Variants in SLC43A2 observed in about 807,000 individuals in gnomAD.
SLC43A2 encodes the protein large neutral amino acids transporter small subunit 4.
A neutral mutation model predicts 63.2 loss-of-function variants in SLC43A2; 38 were observed. That is an observed-to-expected ratio of 0.60 (90% CI 0.46 to 0.79). The LOEUF (loss-of-function observed/expected upper bound fraction) is 0.79, where lower values mean the gene tolerates loss of function less well. Among genes scored for constraint, SLC43A2 ranks in the 30% least tolerant of loss-of-function variants. The pLI is 0.00. For missense variants in SLC43A2, 644 were observed against 756.2 expected, an observed-to-expected ratio of 0.85 and a Z score of 1.74; for synonymous variants, 322 against 331.0, an observed-to-expected ratio of 0.97 and a Z score of 0.30.
chr17:1,583,502 A>C lies in SLC43A2; in HGVS notation c.1218-166T>G. The stretch of plus-strand genomic sequence containing the variant: ...TCGGGGCTGGACCAGCACTACGGAC[A>C]CTCCCCGGCCCTTCTCAGTGGCAAG... On this transcript the variant is annotated intron_variant, in intron 10 of 13. Coordinates refer to ENST00000301335, the MANE Select transcript of SLC43A2 (RefSeq NM_152346.3). The surrounding 1 kb of genome is among the most constrained non-coding windows in gnomAD (Gnocchi z 5.5). 1.7e-6 allele frequency: 2 copies of C among 1,204,414 alleles called. No homozygotes were observed. The highest frequency in any genetic ancestry group is 2.2e-6 in the Non-Finnish European group (2 of 893,954). The allele number at this position is 1,204,414 out of a possible 1,614,324, so 74.6% of individuals were successfully genotyped here.
At position 1,590,792 on chromosome 17, in the gene SLC43A2, G is replaced by A; in HGVS notation, c.1078+10C>T. 1 of 1,552,406 alleles carries A rather than the reference G, an allele frequency of 6.4e-7. No individual in the cohort carries two copies. The highest frequency in any genetic ancestry group is 2.4e-5 in the East Asian group (1 of 41,682). ...GAGTGACAGCGACCGAGGCTGCCCGGGGCACCTACCTGTCTTCTGGTCGCC... is the reference window on the plus strand; with the variant it reads ...GAGTGACAGCGACCGAGGCTGCCCGAGGCACCTACCTGTCTTCTGGTCGCC... On this transcript the variant is annotated intron_variant, in intron 9 of 13. Transcript: ENST00000301335.
At chr17:1,590,421 C>T (rs4790666) in intron 9 of SLC43A2, among the ~76,000 whole-genome samples, 37,851 of 152,018 alleles carry the variant, frequency 0.25, 5,047 homozygotes, top group East Asian at 0.36. Flanking sequence ...ACGCACCCAC[C>T]GTGCCACTTT....
intron 2 of SLC43A2, among the ~76,000 whole-genome samples, chr17:1,627,273 T>C (rs761812852): frequency 6.6e-5 from 10 of 152,122 alleles, no homozygotes; most frequent in Non-Finnish European, 1.2e-4. Context: ...GAGCCCTCCC[T>C]GGGGTGGAGG....
In SLC43A2 at chr17:1,599,289, A is replaced by G. The variant is rs529876092; in HGVS notation, c.502-6010T>C. Among the ~76,000 whole-genome samples, 839 of 151,728 alleles carry G rather than the reference A, an allele frequency of 5.5e-3. 5 individuals carry two copies. The highest frequency in any genetic ancestry group is 7.4e-3 in the Non-Finnish European group (501 of 67,874). On this transcript the variant is annotated intron_variant, in intron 5 of 13. Transcript: ENST00000301335. ...CAGGGGGCAGAGGTTGCAATGAGCCAAGATCATGCCACTGCACTCCAGCCT... is the reference window on the plus strand; with the variant it reads ...CAGGGGGCAGAGGTTGCAATGAGCCGAGATCATGCCACTGCACTCCAGCCT...
chr17:1,589,044 G>A (rs1250053808), intron 9 of SLC43A2, among the ~76,000 whole-genome samples: 1 of 152,260 alleles, frequency 6.6e-6, no homozygotes, highest in African/African-American at 2.4e-5. Context: ...AGGGCTATGG[G>A]TGTTGGGTGT....
chr17:1,590,501 A>G (rs779734153), intron 9 of SLC43A2, among the ~76,000 whole-genome samples: 7 of 151,892 alleles, frequency 4.6e-5, no homozygotes, highest in Non-Finnish European at 8.8e-5. Context: ...TTCTGTTTTC[A>G]TTTACAGACA....
chr17:1,586,829 C>G (rs1224500899), intron 9 of SLC43A2: 2 of 1,060,654 alleles, frequency 1.9e-6, no homozygotes, highest in African/African-American at 3.3e-5. Context: ...GTTTTACCCC[C>G]ACGGCTCTAG....
At chr17:1,596,820 A>G (rs1905321601) in intron 5 of SLC43A2, among the ~76,000 whole-genome samples, 1 of 152,196 alleles carries the variant, frequency 6.6e-6, no homozygotes, top group Non-Finnish European at 1.5e-5. Flanking sequence ...AGATATACAA[A>G]TGGCCAATAA....
upstream of SLC43A2, chr17:1,629,004 A>T (rs1055501113): frequency 9.3e-5 from 14 of 150,830 alleles, no homozygotes; most frequent in Non-Finnish European, 2.1e-4. Flanking sequence ...GACAAACAAG[A>T]GAGATGGGGG....
At position 1,578,244 on chromosome 17, in the gene SLC43A2, AC is replaced by A. The variant is rs1487450861; in HGVS notation, c.1424+5del. ...CACCAGGCCACCTGCGGCTTCCAGGACTTACACGGCAGCGTACAGGCCCCCG... is the reference window on the plus strand; with the variant it reads ...CACCAGGCCACCTGCGGCTTCCAGGATTACACGGCAGCGTACAGGCCCCCG... On this transcript the variant is annotated splice_donor_5th_base_variant and intron_variant, in intron 12 of 13. Transcript: ENST00000301335. The surrounding 1 kb of genome is among the most constrained non-coding windows in gnomAD (Gnocchi z 6.5). 1 of 1,612,324 alleles carries A rather than the reference AC, an allele frequency of 6.2e-7. No individual in the cohort carries two copies. Among genetic ancestry groups the A allele is most frequent in the South Asian group, 1.1e-5 (1 of 91,044 alleles).
Position 1,605,340 on chromosome 17 carries a change from A to T in SLC43A2, c.501+7855T>A. 1 of 599,418 alleles carries T rather than the reference A, an allele frequency of 1.7e-6. No individual in the cohort carries two copies. Among genetic ancestry groups the T allele is most frequent in the Non-Finnish European group, 2.1e-6 (1 of 466,006 alleles). The allele number at this position is 599,418 out of a possible 1,614,324, so 37.1% of individuals were successfully genotyped here. On this transcript the variant is annotated intron_variant, in intron 5 of 13. Transcript: ENST00000301335. The surrounding 1 kb of genome is among the most constrained non-coding windows in gnomAD (Gnocchi z 4.9). ...CGGCCCCTCCCCTGGCATTCTGGCC[A>T]TAGAGCATGACCACCGGACAGGAGT...
Position 1,575,331 on chromosome 17 carries a change from G to A in SLC43A2, c.*273C>T. ...CTGCCGGGCGTTCCTGGCTCCTGCT[G>A]CAGGCACCACAGAGACCCCAGGCCC... On this transcript the variant is annotated 3_prime_UTR_variant, in exon 14 of 14. Coordinates refer to ENST00000301335, the MANE Select transcript of SLC43A2 (RefSeq NM_152346.3). 2 of 526,668 alleles carry A rather than the reference G, an allele frequency of 3.8e-6. No individual in the cohort carries two copies. The highest frequency in any genetic ancestry group is 3.5e-5 in the East Asian group (1 of 28,428). 32.6% of individuals were successfully genotyped at this position (526,668 alleles called of 1,614,324 possible).
At chr17:1,611,806 C>T (rs758885124) in intron 5 of SLC43A2, among the ~76,000 whole-genome samples, 39 of 152,098 alleles carry the variant, frequency 2.6e-4, no homozygotes, top group African/African-American at 9.4e-4. Flanking sequence ...CTGATGCAGG[C>T]GAGGTTTCCT....
intron 11 of SLC43A2, among the ~76,000 whole-genome samples, chr17:1,582,022 G>A (rs2151032564): frequency 1.3e-5 from 2 of 151,506 alleles, no homozygotes; most frequent in African/African-American, 4.8e-5. Flanking sequence ...GGATAGGCTA[G>A]TCTCAAACTC....
chr17:1,573,385 G>A lies in SLC43A2; in HGVS notation c.*2219C>T, dbSNP rs1598425147. 5 of 152,258 alleles carry A rather than the reference G, an allele frequency of 3.3e-5. No homozygotes were observed. The East Asian group carries it at 9.6e-4, about 29-fold the overall frequency. The allele number at this position is 152,258 out of a possible 1,614,324, so 9.4% of individuals were successfully genotyped here. ...GGGTGATCATGGAGCCGCACGTGGAGGCTGGTGGCTCTGATGGTTCGAGCC... is the reference window on the plus strand; with the variant it reads ...GGGTGATCATGGAGCCGCACGTGGAAGCTGGTGGCTCTGATGGTTCGAGCC... On this transcript the variant is annotated 3_prime_UTR_variant, in exon 14 of 14. Transcript: ENST00000301335.
Position 1,575,681 on chromosome 17 carries a change from G to A in SLC43A2, c.1633C>T (p.Gln545Ter), listed in dbSNP as rs2075914424. 2 of 1,614,034 alleles carry A rather than the reference G, an allele frequency of 1.2e-6. No homozygotes were observed. Among genetic ancestry groups the A allele is most frequent in the Admixed American group, 1.7e-5 (1 of 60,006 alleles). ...TCATCCTCCTGCCTCTGCTGCAGCT[G>A]CCGCTCCAGCTGGCGCCGGTAGCAG... ...LICYRRQLERQLQQRQEDDKL... is the reference protein window; with the variant it reads ...LICYRRQLER The change falls in exon 14 of 14, where the codon CAG becomes TAG. Residue 545 changes from glutamine to a stop codon, truncating the protein, a stop_gained. Coordinates refer to ENST00000301335, the MANE Select transcript of SLC43A2 (RefSeq NM_152346.3). LOFTEE classifies it high-confidence loss of function.
rs114130035 is a variant in SLC43A2, at chr17:1,611,269, G to A, written c.501+1926C>T. On this transcript the variant is annotated intron_variant, in intron 5 of 13. Transcript: ENST00000301335. ...TTTATCCCTGAAATTCAGGCCTGCCGTGACAGAGGCGTCGCGTGACTAAAA... is the reference window on the plus strand; with the variant it reads ...TTTATCCCTGAAATTCAGGCCTGCCATGACAGAGGCGTCGCGTGACTAAAA... Among the ~76,000 whole-genome samples, 462 of 152,296 alleles carry A rather than the reference G, an allele frequency of 3.0e-3. 4 individuals carry two copies. The highest frequency in any genetic ancestry group is 0.01 in the African/African-American group (433 of 41,552).
In SLC43A2 at chr17:1,608,277, G is replaced by A. The variant is rs769320617; in HGVS notation, c.501+4918C>T. Reference sequence around the variant, plus strand: ...TTAGACAGACCTCTGGTAGCCAAACGCTTCAAATGGTGATCAGGTGACTCT... The same window carrying A: ...TTAGACAGACCTCTGGTAGCCAAACACTTCAAATGGTGATCAGGTGACTCT... On this transcript the variant is annotated intron_variant, in intron 5 of 13. Transcript: ENST00000301335. Among the ~76,000 whole-genome samples the A allele has an allele frequency of 5.6e-4, 85 of 152,298 alleles. 1 individual carries two copies. Among genetic ancestry groups the A allele is most frequent in the Admixed American group, 1.2e-3 (18 of 15,300 alleles).
intron 11 of SLC43A2, among the ~76,000 whole-genome samples, chr17:1,580,075 T>C (rs538723978): frequency 9.0e-4 from 137 of 152,128 alleles, no homozygotes; most frequent in African/African-American, 2.1e-3. Flanking sequence ...TACAGGTGCA[T>C]GCCACCAAGC....
Sources: allele counts gnomAD v4.1 joint callset (sites outside exome capture counted in the v4.1 genomes callset), GRCh38; gene constraint gnomAD v4.1.1; non-coding constraint Gnocchi (gnomAD v3.1); transcripts MANE v1.5; gene names NCBI Gene and HGNC (gene_info 2026-07-23, HGNC 2026-07-21).